Variants in KIF5C observed in about 807,000 individuals in gnomAD.
KIF5C encodes kinesin heavy chain isoform 5C.
Under a neutral mutation model 125.2 loss-of-function variants are expected in KIF5C, and 18 were observed. The ratio of observed to expected loss-of-function variants is 0.14; its 90% CI spans 0.10 to 0.21. The LOEUF (loss-of-function observed/expected upper bound fraction) is 0.21. Ranked by LOEUF, KIF5C falls within the 10% of genes least tolerant of loss-of-function variation. The probability of loss-of-function intolerance (pLI) is 1.00; values close to 1 mark genes in which losing one functional copy is unlikely to be tolerated. For missense variants in KIF5C, 780 were observed against 1,183.8 expected, an observed-to-expected ratio of 0.66 and a Z score of 5.01; for synonymous variants, 405 against 434.0, an observed-to-expected ratio of 0.93 and a Z score of 0.83.
chr2:148,931,604 A>G (rs1456101368), intron 3 of KIF5C, among the ~76,000 whole-genome samples: 1 of 152,238 alleles, frequency 6.6e-6, no homozygotes, highest in Non-Finnish European at 1.5e-5. Flanking sequence ...CGAAGGTTGC[A>G]GTGAGCCAAG....
At chr2:148,988,151 CTG>C (rs1681431179) in intron 15 of KIF5C, among the ~76,000 whole-genome samples, 2 of 148,412 alleles carry the variant, frequency 1.3e-5, no homozygotes, top group African/African-American at 5.2e-5. Flanking sequence ...CAGCAGCAAA[CTG>C]ATTTTTTTTT....
At chr2:148,967,964 A>G (rs2105139479) in intron 11 of KIF5C, among the ~76,000 whole-genome samples, 1 of 152,198 alleles carries the variant, frequency 6.6e-6, no homozygotes, top group South Asian at 2.1e-4. Flanking sequence ...GAGGATGGGG[A>G]GGGCGGGGTG....
At chr2:148,967,728 C>T (rs139519203) in intron 11 of KIF5C, among the ~76,000 whole-genome samples, 8 of 152,176 alleles carry the variant, frequency 5.3e-5, no homozygotes, top group East Asian at 1.9e-4. Context: ...TTTAGCCTCA[C>T]GGAGATTTGT....
chr2:149,005,402 T>G lies in KIF5C; in HGVS notation c.2383T>G (p.Leu795Val), dbSNP rs1343835123. The change falls in exon 22 of 26, where the codon TTG becomes GTG. Residue 795 changes from leucine to valine, a missense_variant. This residue lies in a region of KIF5C where 573 missense variants were observed against 742.6 expected (regional missense o/e 0.77). Transcript: ENST00000435030. ...TAAAAATCTCTTCCAGTCTAGAGAA[T>G]TGCAGACACTGCACAACCTTCGGAA... ...KGLEETVSRE[L>V]QTLHNLRKLF... The G allele has an allele frequency of 6.2e-7, 1 of 1,613,768 alleles. No homozygotes were observed. Among genetic ancestry groups the G allele is most frequent in the Admixed American group, 1.7e-5 (1 of 59,998 alleles).
rs979600658 is a variant in KIF5C, at chr2:149,016,887, A to T, written c.*7+5204A>T. 1.3e-5 allele frequency among the ~76,000 whole-genome samples: 2 copies of T among 152,102 alleles called. 1 individual carries two copies. The highest frequency in any genetic ancestry group is 3.9e-4 in the East Asian group (2 of 5,180). On this transcript the variant is annotated intron_variant, in intron 25 of 25. Coordinates refer to ENST00000435030, the MANE Select transcript of KIF5C (RefSeq NM_004522.3). The stretch of plus-strand genomic sequence containing the variant: ...GAGTTGGACCAGGCCCAGGCACTGG[A>T]AAATGGGAAGGCCAGAGAAAAGAGG...
At chr2:148,912,272 C>T (rs1196318719) in intron 1 of KIF5C, among the ~76,000 whole-genome samples, 1 of 152,146 alleles carries the variant, frequency 6.6e-6, no homozygotes, top group East Asian at 1.9e-4. Context: ...CCCAGCTCTT[C>T]CAATACCTAA....
intron 1 of KIF5C, among the ~76,000 whole-genome samples, chr2:148,894,189 A>G (rs895173864): frequency 6.6e-6 from 1 of 152,240 alleles, no homozygotes; most frequent in African/African-American, 2.4e-5. Flanking sequence ...ATAGTTTTGT[A>G]TTGAATATCC....
intron 1 of KIF5C, among the ~76,000 whole-genome samples, chr2:148,919,116 T>C (rs1344167853): frequency 3.3e-5 from 5 of 152,182 alleles, no homozygotes; most frequent in South Asian, 2.1e-4. Context: ...CATGGACACC[T>C]AAATGGAAAT....
At chr2:148,891,306 G>C (rs140451408) in intron 1 of KIF5C, among the ~76,000 whole-genome samples, 1 of 152,260 alleles carries the variant, frequency 6.6e-6, no homozygotes, top group African/African-American at 2.4e-5. Flanking sequence ...TGGAGAAAAG[G>C]TGCTTTTCAA....
intron 11 of KIF5C, among the ~76,000 whole-genome samples, chr2:148,969,369 C>T (rs1172056942): frequency 2.6e-5 from 4 of 150,946 alleles, no homozygotes; most frequent in African/African-American, 7.3e-5. Flanking sequence ...AAGGTAATTA[C>T]ATCTGACGAT....
intron 18 of KIF5C, chr2:148,998,163 T>G (rs138604904): frequency 8.5e-6 from 5 of 590,556 alleles, no homozygotes; most frequent in African/African-American, 7.4e-5. Context: ...ACTTTTTATT[T>G]AGTTGGTGGG....
intron 17 of KIF5C, among the ~76,000 whole-genome samples, chr2:148,996,155 GA>G (rs1681666488): frequency 6.6e-6 from 1 of 151,694 alleles, no homozygotes; most frequent in African/African-American, 2.4e-5. Context: ...ACTCCATCTT[GA>G]AAAAAAAGTG....
At chr2:148,894,053 A>T (rs535276057) in intron 1 of KIF5C, among the ~76,000 whole-genome samples, 1 of 152,216 alleles carries the variant, frequency 6.6e-6, no homozygotes, top group African/African-American at 2.4e-5. Flanking sequence ...ATACAGTACC[A>T]CTGACAAGTG....
chr2:149,008,106 C>G (rs777610716), intron 23 of KIF5C, 39 bp downstream of exon 23: 3 of 1,574,758 alleles, frequency 1.9e-6, no homozygotes, highest in East Asian at 2.2e-5. Flanking sequence ...ATTCCCTCCT[C>G]TCTCCTGGAA....
At position 149,005,420 on chromosome 2, in the gene KIF5C, C is replaced by T; in HGVS notation, c.2401C>T (p.Leu801Phe). 6.2e-7 allele frequency: 1 copy of T among 1,613,856 alleles called. No homozygotes were observed. Among genetic ancestry groups the T allele is most frequent in the Non-Finnish European group, 8.5e-7 (1 of 1,179,848 alleles). The change falls in exon 22 of 26, where the codon CTT becomes TTT. Residue 801 changes from leucine (L) to phenylalanine (F), a missense_variant. Physicochemically the swap from Leu to Phe is conservative, Grantham distance 22 (BLOSUM62 0). Transcript: ENST00000435030. Reference sequence around the variant, plus strand: ...TAGAGAATTGCAGACACTGCACAACCTTCGGAAACTCTTTGTCCAGGATCT... The same window carrying T: ...TAGAGAATTGCAGACACTGCACAACTTTCGGAAACTCTTTGTCCAGGATCT... ...VSRELQTLHN[L>F]RKLFVQDLTT... is the part of the protein sequence containing the mutation.
chr2:148,942,579 C>T, intron 6 of KIF5C, 94 bp from the exon 7 acceptor site: 1 of 1,530,856 alleles, frequency 6.5e-7, no homozygotes, highest in Non-Finnish European at 8.8e-7. Context: ...TTTATCTGCA[C>T]CTCTAGAAGA....
intron 2 of KIF5C, among the ~76,000 whole-genome samples, chr2:148,923,565 T>C (rs1303337405): frequency 6.6e-6 from 1 of 152,242 alleles, no homozygotes; most frequent in African/African-American, 2.4e-5. Flanking sequence ...TATATCTTTC[T>C]TGGTTTGCTC....
intron 22 of KIF5C, among the ~76,000 whole-genome samples, chr2:149,007,686 T>C (rs1682048749): frequency 6.6e-6 from 1 of 152,202 alleles, no homozygotes. Flanking sequence ...GGCAGATGTA[T>C]ATTTTACTGA....
In KIF5C at chr2:149,023,467, C is replaced by T. The variant is rs1682595568; in HGVS notation, c.*397C>T. ...CGTGGAGGCAGATGATCATGGTCTG[C>T]CTCAACTGTCTGGTTTCCTGTAAAA... On this transcript the variant is annotated 3_prime_UTR_variant, in exon 26 of 26. Transcript: ENST00000435030. 6.6e-6 allele frequency: 1 copy of T among 152,544 alleles called. No homozygotes were observed. Among genetic ancestry groups the T allele is most frequent in the Admixed American group, 6.6e-5 (1 of 15,264 alleles). The allele number at this position is 152,544 out of a possible 1,614,324, so 9.4% of individuals were successfully genotyped here.
Sources: allele counts gnomAD v4.1 joint callset (sites outside exome capture counted in the v4.1 genomes callset), GRCh38; gene constraint gnomAD v4.1.1; regional missense constraint gnomAD v4.1.1; transcripts MANE v1.5; gene names NCBI Gene and HGNC (gene_info 2026-07-23, HGNC 2026-07-21).